The following PRDM10 variants were observed in gnomAD, a reference collection of about 807,000 sequenced individuals.
PRDM10 encodes the protein PR domain zinc finger protein 10.
PRDM10 carries 65 observed loss-of-function variants against 133.1 expected under a neutral mutation model. That is an observed-to-expected ratio of 0.49 (90% CI 0.40 to 0.60). The LOEUF is 0.60. PRDM10 is among the 20% of genes least tolerant of loss of function. PRDM10 has a pLI of 0.00. For synonymous variants in PRDM10, 582 were observed against 580.4 expected (o/e 1.00, Z -0.04); for missense variants, 1,137 against 1,507.1 (o/e 0.75, Z 4.07).
intron 1 of PRDM10, among the ~76,000 whole-genome samples, chr11:129,986,422 T>C (rs1006103701): frequency 2.0e-5 from 3 of 152,190 alleles, no homozygotes; most frequent in Non-Finnish European, 2.9e-5. Context: ...AGGGTCTCAC[T>C]CTGTCGCCCA....
At chr11:129,993,260 G>A (rs547192496) in intron 1 of PRDM10, among the ~76,000 whole-genome samples, 18 of 152,152 alleles carry the variant, frequency 1.2e-4, no homozygotes, top group African/African-American at 3.9e-4. Context: ...CAAGACTTTT[G>A]CCCATTATTC....
intron 1 of PRDM10, among the ~76,000 whole-genome samples, chr11:129,990,156 TA>T (rs1283668234): frequency 6.6e-6 from 1 of 151,508 alleles, no homozygotes; most frequent in African/African-American, 2.4e-5. Flanking sequence ...CCATCCTGGC[TA>T]ACATGGTGAA....
At chr11:130,002,351 G>A (rs1396894456) in intron 1 of PRDM10, among the ~76,000 whole-genome samples, 3 of 152,042 alleles carry the variant, frequency 2.0e-5, no homozygotes, top group Non-Finnish European at 4.4e-5. Flanking sequence ...TGCGCGCGGC[G>A]AAGGCAGGGG....
intron 17 of PRDM10, among the ~76,000 whole-genome samples, chr11:129,912,604 T>TA (rs1351408635): frequency 6.6e-6 from 1 of 151,646 alleles, no homozygotes; most frequent in Non-Finnish European, 1.5e-5. Context: ...ACAAAAAAAT[T>TA]AGCTGGGTGT....
intron 1 of PRDM10, among the ~76,000 whole-genome samples, chr11:130,002,308 C>T (rs1421412034): frequency 2.0e-5 from 3 of 151,666 alleles, no homozygotes; most frequent in Admixed American, 6.6e-5. Context: ...GCCGGCGGAG[C>T]GTGCGAGCCA....
chr11:129,912,624 C>A (rs940237471), intron 17 of PRDM10, among the ~76,000 whole-genome samples: 1 of 151,980 alleles, frequency 6.6e-6, no homozygotes, highest in African/African-American at 2.4e-5. Flanking sequence ...TGGCGGCAGG[C>A]ACCTGTAGTC....
In PRDM10 at chr11:129,935,212, C is replaced by T. The variant is rs769268140; in HGVS notation, c.1046G>A (p.Arg349Gln). Residue 349 changes from arginine to glutamine, a missense_variant, in exon 9 of 21, where the codon CGA becomes CAA. By Grantham distance (43) the Arg-to-Gln change is conservative. Around this residue, in one of 6 missense-constraint regions of PRDM10, gnomAD observed 635 missense variants for 835.2 expected, o/e 0.76. Transcript: ENST00000360871. ...GCAGGGCCAATTCTTCTCTTGCTCT[C>T]GAAGAACTACAGTCACAGGAGAGAA... Reference protein sequence around the residue: ...DISEEERKVLREQEKNWPCYE... With the variant: ...DISEEERKVLQEQEKNWPCYE... The T allele has an allele frequency of 8.1e-6, 13 of 1,612,442 alleles. No individual in the cohort carries two copies. The East Asian group carries it at 1.1e-4, about 14-fold the overall frequency.
At position 129,990,732 on chromosome 11, in the gene PRDM10, A is replaced by G. The variant is rs532718256; in HGVS notation, c.-119+11990T>C. On this transcript the variant is annotated intron_variant, in intron 1 of 20. Transcript: ENST00000360871. ...AGTGATCCTCCCACTTCGGCCCCCC[A>G]AAGTGCTGGGATTTATAGGCATGAG... is the stretch of plus-strand genomic sequence containing the variant. Among the ~76,000 whole-genome samples, 361 of 152,160 alleles carry G rather than the reference A, an allele frequency of 2.4e-3. 1 individual carries two copies. Among genetic ancestry groups the G allele is most frequent in the Non-Finnish European group, 4.2e-3 (287 of 68,004 alleles).
chr11:129,913,979 A>G (rs76090680), intron 17 of PRDM10, among the ~76,000 whole-genome samples: 3,246 of 152,282 alleles, frequency 0.021, 139 homozygotes, highest in African/African-American at 0.074. Context: ...CCTCTATACT[A>G]CAAAGGCACT....
intron 1 of PRDM10, among the ~76,000 whole-genome samples, chr11:129,968,083 C>T (rs1012591062): frequency 3.3e-5 from 5 of 152,142 alleles, no homozygotes; most frequent in African/African-American, 1.2e-4. Flanking sequence ...TAGATGAGTA[C>T]CTGGAATCCC....
At position 129,957,769 on chromosome 11, in the gene PRDM10, T is replaced by C; in HGVS notation, c.211A>G (p.Ile71Val). The C allele has an allele frequency of 5.0e-6, 8 of 1,613,476 alleles. No individual in the cohort carries two copies. Among genetic ancestry groups the C allele is most frequent in the Non-Finnish European group, 6.8e-6 (8 of 1,179,552 alleles). The part of the protein sequence containing the change: ...VDGPEHTLVY[I>V]HPVEAAQTLF... ...GCCTGTGCAGCTTCCACCGGGTGGA[T>C]GTACACCAGCGTGTGCTCTGGACCA... is the stretch of plus-strand genomic sequence containing the variant. The change falls in exon 3 of 21, where the codon ATC (isoleucine) becomes GTC (valine). Residue 71 changes from isoleucine (I) to valine (V), a missense_variant. By Grantham distance (29) the Ile-to-Val change is conservative (BLOSUM62 3). Transcript: ENST00000360871.
chr11:129,947,929 A>G lies in PRDM10; in HGVS notation c.295-559T>C. 2.4e-6 allele frequency: 1 copy of G among 414,154 alleles called. No individual in the cohort carries two copies. Among genetic ancestry groups the G allele is most frequent in the Non-Finnish European group, 4.8e-6 (1 of 207,052 alleles). 25.7% of individuals were successfully genotyped at this position (414,154 alleles called of 1,614,324 possible). A position where few individuals can be genotyped will look rare whatever the true frequency, so the allele number is the denominator to read the frequency against. On this transcript the variant is annotated intron_variant, in intron 4 of 20. Transcript: ENST00000360871. The surrounding 1 kb of genome is among the most constrained non-coding windows in gnomAD (Gnocchi z 4.6). ...AGCCATACCACACTGGAGGGGGTAA[A>G]TGAGTTGACCTATCCTCAACCACTT...
At chr11:129,905,081 G>C (rs2135707207) in intron 20 of PRDM10, among the ~76,000 whole-genome samples, 1 of 152,198 alleles carries the variant, frequency 6.6e-6, no homozygotes, top group African/African-American at 2.4e-5. Flanking sequence ...ACGCTCATAA[G>C]GGCCAGAAGT....
chr11:129,905,769 A>G (rs776850550), intron 19 of PRDM10, 28 bp from the exon 20 acceptor site: 2 of 1,585,474 alleles, frequency 1.3e-6, no homozygotes, highest in South Asian at 2.2e-5. Flanking sequence ...TTCATAGTTC[A>G]GTGGTCTCAG....
At chr11:129,925,324 TCA>T (rs1350646530) in intron 11 of PRDM10, 95 bp from the exon 12 acceptor site, 116 of 1,152,822 alleles carry the variant, frequency 1.0e-4, no homozygotes, top group Non-Finnish European at 1.3e-4. Flanking sequence ...ATCTCTGCAA[TCA>T]CAGACTTCCC....
chr11:129,929,379 C>T, intron 11 of PRDM10: 1 of 1,559,938 alleles, frequency 6.4e-7, no homozygotes, highest in Non-Finnish European at 8.7e-7. Flanking sequence ...AAGTAACATT[C>T]TGTTATGTGA....
Position 129,912,195 on chromosome 11 carries a change from T to A in PRDM10, c.2872A>T (p.Thr958Ser). 6.2e-7 allele frequency: 1 copy of A among 1,606,772 alleles called. No individual in the cohort carries two copies. Among genetic ancestry groups the A allele is most frequent in the Non-Finnish European group, 8.5e-7 (1 of 1,175,440 alleles). ...ATSPHQSQQS[T>S]VDVGQLHDPQ... ...TCATGGAGCTGGCCAACATCCACAGTGGACTGCTGTGACTGGTGAGGGGAA... is the reference window on the plus strand; with the variant it reads ...TCATGGAGCTGGCCAACATCCACAGAGGACTGCTGTGACTGGTGAGGGGAA... Residue 958 changes from threonine to serine, a missense_variant, in exon 18 of 21, where the codon ACT becomes TCT. Around this residue, in one of 6 missense-constraint regions of PRDM10, gnomAD observed 243 missense variants for 259.2 expected, o/e 0.94. Coordinates refer to ENST00000360871, the MANE Select transcript of PRDM10 (RefSeq NM_199437.2).
chr11:129,915,705 G>T lies in PRDM10; in HGVS notation c.2481C>A (p.Thr827=), dbSNP rs747159822. Residue 827 remains threonine (T), a synonymous_variant, in exon 16 of 21, where the codon ACC becomes ACA. Coordinates refer to ENST00000360871, the MANE Select transcript of PRDM10 (RefSeq NM_199437.2). ...THTQLTGTIA[T]PPVCCPHCSK... Reference sequence around the variant, plus strand: ...AGCAGTGGGGACAGCAGACGGGAGGGGTGGCGATGGTGCCCGTCAGCTGGG... The same window carrying T: ...AGCAGTGGGGACAGCAGACGGGAGGTGTGGCGATGGTGCCCGTCAGCTGGG... The T allele has an allele frequency of 6.2e-7, 1 of 1,613,904 alleles. No individual in the cohort carries two copies. The highest frequency in any genetic ancestry group is 1.1e-5 in the South Asian group (1 of 91,062).
chr11:129,929,722 T>C (rs1950791676), intron 11 of PRDM10, among the ~76,000 whole-genome samples: 1 of 146,974 alleles, frequency 6.8e-6, no homozygotes, highest in African/African-American at 2.5e-5. Flanking sequence ...ACAACTTCAC[T>C]GCATGTGTGG....
Sources: gnomAD v4.1 joint callset for allele counts (sites outside exome capture counted in the v4.1 genomes callset) on GRCh38, gnomAD v4.1.1 for gene constraint, gnomAD v4.1.1 regional missense constraint, Gnocchi (gnomAD v3.1) non-coding constraint, MANE v1.5 for transcripts, NCBI Gene and HGNC (gene_info 2026-07-23, HGNC 2026-07-21) for gene names.